PPIP5K2: variants seen among roughly 807,000 people sequenced by gnomAD.
PPIP5K2 encodes the protein inositol hexakisphosphate and diphosphoinositol-pentakisphosphate kinase 2.
PPIP5K2 carries 105 observed loss-of-function variants against 154.6 expected under a neutral mutation model. The ratio of observed to expected loss-of-function variants is 0.68; its 90% CI spans 0.58 to 0.80. The LOEUF (loss-of-function observed/expected upper bound fraction) is 0.80. Among genes scored for constraint, PPIP5K2 ranks in the 30% least tolerant of loss-of-function variants. PPIP5K2 has a pLI of 0.00. For synonymous variants in PPIP5K2, 480 were observed against 490.3 expected (o/e 0.98, Z 0.28); for missense variants, 992 against 1,504.6 (o/e 0.66, Z 5.64).
intron 19 of PPIP5K2, among the ~76,000 whole-genome samples, chr5:103,169,774 G>T (rs1288204659): frequency 6.6e-6 from 1 of 151,658 alleles, no homozygotes; most frequent in Non-Finnish European, 1.5e-5. Context: ...AAATGAAAAA[G>T]GTTAAGTTTT....
chr5:103,173,389 A>G (rs1463619355), intron 20 of PPIP5K2, 107 bp downstream of exon 20: 2 of 1,275,456 alleles, frequency 1.6e-6, no homozygotes, highest in Non-Finnish European at 2.1e-6. Context: ...TGTCATTGGC[A>G]TACTGTGAAA....
At position 103,204,261 on chromosome 5, in the gene PPIP5K2, A is replaced by AGTGTACAGT. The variant is rs2149876251; in HGVS notation, c.*2630_*2638dup. ...ATTTATAAGAATTTGCTTTACACAT[A>AGTGTACAGT]GTGTACAGTGTTTATTAACTTTACA... On this transcript the variant is annotated 3_prime_UTR_variant, in exon 31 of 31. Coordinates refer to ENST00000358359, the MANE Select transcript of PPIP5K2 (RefSeq NM_001276277.3). 1 of 152,324 alleles carries AGTGTACAGT rather than the reference A, an allele frequency of 6.6e-6. No individual in the cohort carries two copies. Among genetic ancestry groups the AGTGTACAGT allele is most frequent in the South Asian group, 2.1e-4 (1 of 4,826 alleles). 9.4% of individuals were successfully genotyped at this position (152,324 alleles called of 1,614,324 possible). A position where few individuals can be genotyped will look rare whatever the true frequency, so the allele number is the denominator to read the frequency against.
At chr5:103,165,102 A>C (rs1478697643) in intron 17 of PPIP5K2, among the ~76,000 whole-genome samples, 4 of 152,126 alleles carry the variant, frequency 2.6e-5, no homozygotes, top group African/African-American at 9.6e-5. Flanking sequence ...TCAGAACCAT[A>C]TTTACACATG....
In PPIP5K2 at chr5:103,168,310, A is replaced by G. The variant is rs782449585; in HGVS notation, c.2286+15A>G. The G allele has an allele frequency of 5.9e-6, 9 of 1,537,188 alleles. No individual in the cohort carries two copies. The highest frequency in any genetic ancestry group is 8.0e-6 in the Non-Finnish European group (9 of 1,120,462). ...TTATCCCTCAGGTAAGTCATTCTTAAGAATCAATTTCTTATAATATTGAAA... is the reference window on the plus strand; with the variant it reads ...TTATCCCTCAGGTAAGTCATTCTTAGGAATCAATTTCTTATAATATTGAAA... On this transcript the variant is annotated intron_variant, in intron 19 of 30. Coordinates refer to ENST00000358359, the MANE Select transcript of PPIP5K2 (RefSeq NM_001276277.3).
chr5:103,191,580 A>G (rs193082681), intron 29 of PPIP5K2, among the ~76,000 whole-genome samples: 75 of 152,246 alleles, frequency 4.9e-4, no homozygotes, highest in African/African-American at 1.7e-3. Flanking sequence ...TAGCATATAA[A>G]AGGCTGACGT....
intron 1 of PPIP5K2, among the ~76,000 whole-genome samples, chr5:103,123,957 G>C (rs1370276355): frequency 1.3e-5 from 2 of 152,086 alleles, no homozygotes; most frequent in South Asian, 2.1e-4. Flanking sequence ...AAACCATTTT[G>C]AATGTCCTGC....
At chr5:103,138,523 GC>G in intron 5 of PPIP5K2, 54 bp downstream of exon 5, 1 of 1,157,376 alleles carries the variant, frequency 8.6e-7, no homozygotes, top group Non-Finnish European at 1.3e-6. Context: ...ATACTTTTGG[GC>G]CACATTCTTA....
At chr5:103,138,309 T>C in intron 4 of PPIP5K2, 75 bp from the exon 5 acceptor site, 2 of 860,014 alleles carry the variant, frequency 2.3e-6, no homozygotes, top group Non-Finnish European at 3.5e-6. Context: ...ATAATGTCTT[T>C]TAAGAAAACT....
At chr5:103,136,031 G>C (rs182210940) in intron 3 of PPIP5K2, 1 of 147,224 alleles carries the variant, frequency 6.8e-6, no homozygotes, top group Admixed American at 6.8e-5. Context: ...GAGTACAATG[G>C]CACGATCTCC....
At chr5:103,181,781 C>T (rs1399124872) in intron 24 of PPIP5K2, among the ~76,000 whole-genome samples, 3 of 151,728 alleles carry the variant, frequency 2.0e-5, no homozygotes, top group Non-Finnish European at 4.4e-5. Context: ...TCTACAGCCC[C>T]GAATTATACA....
At chr5:103,146,705 T>G (rs367729009) in intron 6 of PPIP5K2, 24 bp downstream of exon 6, 4 of 1,573,748 alleles carry the variant, frequency 2.5e-6, no homozygotes, top group African/African-American at 2.7e-5. Context: ...AACTTTTGTA[T>G]GAATACTCTT....
chr5:103,183,400 G>A lies in PPIP5K2; in HGVS notation c.3089G>A (p.Trp1030Ter). 6.2e-7 allele frequency: 1 copy of A among 1,606,748 alleles called. No homozygotes were observed. Among genetic ancestry groups the A allele is most frequent in the Non-Finnish European group, 8.5e-7 (1 of 1,177,454 alleles). ...TTCACATCCAGTATTTTTGGCTCATGGCAACAGGTTTTTAAACTTTACTTC... is the reference window on the plus strand; with the variant it reads ...TTCACATCCAGTATTTTTGGCTCATAGCAACAGGTTTTTAAACTTTACTTC... ...LAFTSSIFGS[W>*]QQVVSENANY... Residue 1030 changes from tryptophan (W) to a stop codon, truncating the protein, a stop_gained, in exon 25 of 31, where the codon TGG (tryptophan) becomes TAG (stop). Transcript: ENST00000358359. LOFTEE classifies it high-confidence loss of function.
intron 23 of PPIP5K2, 76 bp downstream of exon 23, chr5:103,178,056 T>C (rs894184923): frequency 2.2e-6 from 2 of 896,532 alleles, no homozygotes; most frequent in Non-Finnish European, 3.6e-6. Flanking sequence ...GAGATTTTTA[T>C]AATGTACTAT....
intron 30 of PPIP5K2, among the ~76,000 whole-genome samples, chr5:103,196,527 C>T (rs183700735): frequency 6.6e-6 from 1 of 152,226 alleles, no homozygotes; most frequent in Non-Finnish European, 1.5e-5. Context: ...TCATAGTTCT[C>T]ACCATAACCT....
chr5:103,148,852 T>G (rs1794147869), intron 7 of PPIP5K2, among the ~76,000 whole-genome samples: 1 of 152,130 alleles, frequency 6.6e-6, no homozygotes, highest in Admixed American at 6.5e-5. Flanking sequence ...TTTGTTAAAC[T>G]AAAACAATTT....
At chr5:103,183,103 C>A (rs1799789808) in intron 24 of PPIP5K2, 131 bp from the exon 25 acceptor site, 3 of 833,532 alleles carry the variant, frequency 3.6e-6, no homozygotes, top group Non-Finnish European at 4.8e-6. Context: ...AATTAATAAG[C>A]AAATATGAAC....
intron 14 of PPIP5K2, among the ~76,000 whole-genome samples, chr5:103,157,677 G>A (rs1795625734): frequency 6.6e-6 from 1 of 151,450 alleles, no homozygotes; most frequent in South Asian, 2.1e-4. Context: ...ACTCCAGCCA[G>A]GGCGACCAAG....
chr5:103,135,026 T>C (rs1299998046), intron 3 of PPIP5K2, among the ~76,000 whole-genome samples: 1 of 152,228 alleles, frequency 6.6e-6, no homozygotes, highest in African/African-American at 2.4e-5. Flanking sequence ...ATTCTGGTAG[T>C]ACTATAAAAT....
chr5:103,201,561 C>T lies in PPIP5K2; in HGVS notation c.3659C>T (p.Ser1220Leu), dbSNP rs1426299142. 2 of 1,609,172 alleles carry T rather than the reference C, an allele frequency of 1.2e-6. No homozygotes were observed. The highest frequency in any genetic ancestry group is 1.7e-6 in the Non-Finnish European group (2 of 1,178,438). Residue 1220 changes from serine to leucine, a missense_variant, in exon 31 of 31, where the codon TCA (serine) becomes TTA (leucine). Ser to Leu is a moderately radical substitution (Grantham distance 145, BLOSUM62 -2). Transcript: ENST00000358359. Reference sequence around the variant, plus strand: ...TCTAGTGCAGTTGTTCCTAATACCTCATCTCGGAAAAAGAATATAACTAGC... The same window carrying T: ...TCTAGTGCAGTTGTTCCTAATACCTTATCTCGGAAAAAGAATATAACTAGC... ...GPSSAVVPNT[S>L]SRKKNITSKT...
Sources: gnomAD v4.1 joint callset for allele counts (sites outside exome capture counted in the v4.1 genomes callset) on GRCh38, gnomAD v4.1.1 for gene constraint, MANE v1.5 for transcripts, NCBI Gene and HGNC (gene_info 2026-07-23, HGNC 2026-07-21) for gene names.